TOMM70: variants seen among roughly 807,000 people sequenced by gnomAD.
TOMM70 encodes the protein translocase of outer mitochondrial membrane 70.
In TOMM70, 13 loss-of-function variants were observed where a neutral mutation model predicts 73.6. The observed-to-expected ratio is 0.18, with a 90% CI of 0.11 to 0.28. The LOEUF (loss-of-function observed/expected upper bound fraction) is 0.28. TOMM70 is among the 10% of genes least tolerant of loss of function. The pLI is 1.00. For missense variants in TOMM70, 609 were observed against 747.5 expected (o/e 0.81, Z 2.16); for synonymous variants, 257 against 271.2 (o/e 0.95, Z 0.51).
Position 100,364,588 on chromosome 3 carries a change from T to TATA in TOMM70, c.*975_*976insTAT, listed in dbSNP as rs16337. 29,033 of 152,074 alleles carry TATA rather than the reference T, an allele frequency of 0.19. 3,039 individuals carry two copies. The highest frequency in any genetic ancestry group is 0.24 in the Non-Finnish European group (16,518 of 67,944). 9.4% of individuals were successfully genotyped at this position (152,074 alleles called of 1,614,324 possible). ...TTTAAAGGATGGGGTCTTGCTATAT[T>TATA]GCCCAGGCTGGAGTGCAGTGGCTAT... On this transcript the variant is annotated 3_prime_UTR_variant, in exon 12 of 12. Coordinates refer to ENST00000284320, the MANE Select transcript of TOMM70 (RefSeq NM_014820.5).
Position 100,400,897 on chromosome 3 carries a change from C to A in TOMM70, c.53G>T (p.Ser18Ile). 6.5e-7 allele frequency: 1 copy of A among 1,528,026 alleles called. No individual in the cohort carries two copies. The highest frequency in any genetic ancestry group is 2.0e-5 in the Admixed American group (1 of 50,584). The allele number at this position is 1,528,026 out of a possible 1,614,324, so 94.7% of individuals were successfully genotyped here. A position where few individuals can be genotyped will look rare whatever the true frequency, so the allele number is the denominator to read the frequency against. The change falls in exon 1 of 12, where the codon AGC (serine) becomes ATC (isoleucine). Residue 18 changes from serine (S) to isoleucine (I), a missense_variant. By Grantham distance (142) the Ser-to-Ile change is moderately radical. This residue lies in a region of TOMM70 where 177 missense variants were observed against 163.5 expected (regional missense o/e 1.08). Transcript: ENST00000284320. ...GCCGCCGCCCACCCCACTCCCGGAG[C>A]TCGGTACAGCGGCTGCGACCACCGC... Reference protein sequence around the residue: ...EAAVVAAAVPSSGSGVGGGGT... With the variant: ...EAAVVAAAVPISGSGVGGGGT...
intron 10 of TOMM70, 52 bp from the exon 11 acceptor site, chr3:100,368,218 A>G: frequency 6.4e-7 from 1 of 1,570,098 alleles, no homozygotes; most frequent in Non-Finnish European, 8.6e-7. Context: ...ATCAGTAGGA[A>G]TACACACACA....
chr3:100,389,234 GTAAC>G (rs1706731764), intron 1 of TOMM70, among the ~76,000 whole-genome samples: 1 of 152,200 alleles, frequency 6.6e-6, no homozygotes, highest in Non-Finnish European at 1.5e-5. Flanking sequence ...AGATTATTTT[GTAAC>G]TAAAGTCTTA....
chr3:100,394,285 A>AT (rs1706795518), intron 1 of TOMM70, among the ~76,000 whole-genome samples: 1 of 152,228 alleles, frequency 6.6e-6, no homozygotes, highest in African/African-American at 2.4e-5. Flanking sequence ...TCACAGCTTT[A>AT]TAGAAGTAGC....
intron 4 of TOMM70, 113 bp from the exon 5 acceptor site, chr3:100,381,876 A>G: frequency 9.0e-7 from 1 of 1,110,356 alleles, no homozygotes; most frequent in Non-Finnish European, 1.2e-6. Context: ...TCATTTTCAA[A>G]TAACTAAAAT....
intron 5 of TOMM70, 40 bp downstream of exon 5, chr3:100,381,575 C>T: frequency 6.3e-7 from 1 of 1,582,522 alleles, no homozygotes; most frequent in Non-Finnish European, 8.6e-7. Flanking sequence ...TCAAAGCACC[C>T]AAAACACCAC....
At position 100,400,725 on chromosome 3, in the gene TOMM70, G is replaced by A. The variant is rs769278608; in HGVS notation, c.225C>T (p.Ser75=). 1.9e-6 allele frequency: 3 copies of A among 1,607,506 alleles called. No homozygotes were observed. Among genetic ancestry groups the A allele is most frequent in the Non-Finnish European group, 1.7e-6 (2 of 1,178,546 alleles). The change falls in exon 1 of 12, where the codon AGC becomes AGT. Residue 75 remains serine, a synonymous_variant. Transcript: ENST00000284320. ...TCCGTTCGCTGTTGCGCTTCAGGCCGCTGGCGTCGCCCCGGCCTCTGGCCT... is the reference window on the plus strand; with the variant it reads ...TCCGTTCGCTGTTGCGCTTCAGGCCACTGGCGTCGCCCCGGCCTCTGGCCT... ...RREARGRGDA[S]GLKRNSERKT...
Position 100,381,590 on chromosome 3 carries a change from T to G in TOMM70, c.884+25A>C, listed in dbSNP as rs376595717. Reference sequence around the variant, plus strand: ...TCAAAGCACCCAAAACACCACTAAGTAGACACTATGCTTGACATACTTACT... The same window carrying G: ...TCAAAGCACCCAAAACACCACTAAGGAGACACTATGCTTGACATACTTACT... On this transcript the variant is annotated intron_variant, in intron 5 of 11. Coordinates refer to ENST00000284320, the MANE Select transcript of TOMM70 (RefSeq NM_014820.5). 3.7e-6 allele frequency: 6 copies of G among 1,605,762 alleles called. No individual in the cohort carries two copies. In the African/African-American group the frequency reaches 6.7e-5, roughly 18 times the overall value.
At chr3:100,392,260 C>G (rs1375058880) in intron 1 of TOMM70, among the ~76,000 whole-genome samples, 1 of 152,070 alleles carries the variant, frequency 6.6e-6, no homozygotes, top group Non-Finnish European at 1.5e-5. Flanking sequence ...TTTGAGCCAA[C>G]AAGCAGAAAA....
In TOMM70 at chr3:100,386,723, GTTTA is replaced by G. The variant is rs369230392; in HGVS notation, c.498+78_498+81del. On this transcript the variant is annotated intron_variant, in intron 2 of 11. Transcript: ENST00000284320. ...GAAACAACTTCAAAAAATGTATTAGGTTTATTTGAGTAGCTTTAACTGAAACTTT... is the reference window on the plus strand; with the variant it reads ...GAAACAACTTCAAAAAATGTATTAGGTTTGAGTAGCTTTAACTGAAACTTT... The G allele has an allele frequency of 4.4e-4, 647 of 1,471,500 alleles. 11 individuals carry two copies. The South Asian group carries it at 7.9e-3, about 18-fold the overall frequency. 91.2% of individuals were successfully genotyped at this position (1,471,500 alleles called of 1,614,324 possible).
intron 1 of TOMM70, among the ~76,000 whole-genome samples, chr3:100,397,845 C>T (rs896833899): frequency 5.9e-5 from 9 of 151,346 alleles, no homozygotes; most frequent in Admixed American, 2.6e-4. Context: ...GCCGAGACCT[C>T]GCCATTGCAC....
At chr3:100,393,334 G>A (rs1445986043) in intron 1 of TOMM70, among the ~76,000 whole-genome samples, 1 of 152,158 alleles carries the variant, frequency 6.6e-6, no homozygotes, top group African/African-American at 2.4e-5. Flanking sequence ...CCTAAGTGAA[G>A]TAACTCAGAA....
chr3:100,393,069 G>A (rs905537531), intron 1 of TOMM70, among the ~76,000 whole-genome samples: 2 of 151,874 alleles, frequency 1.3e-5, no homozygotes, highest in South Asian at 2.1e-4. Flanking sequence ...CCAGCTAGTC[G>A]GGAGGCTGAG....
Position 100,369,040 on chromosome 3 carries a change from T to A in TOMM70, c.1548A>T (p.Lys516Asn), listed in dbSNP as rs1283949103. 1 of 1,595,796 alleles carries A rather than the reference T, an allele frequency of 6.3e-7. No individual in the cohort carries two copies. Among genetic ancestry groups the A allele is most frequent in the East Asian group, 2.2e-5 (1 of 44,724 alleles). ...GGAACAATCACAAAAATACATACCCTTTATGAACATATGTTGTAGCATTAT... is the reference window on the plus strand; with the variant it reads ...GGAACAATCACAAAAATACATACCCATTATGAACATATGTTGTAGCATTAT... ...EPDNATTYVH[K>N]GLLQLQWKQD... Residue 516 changes from lysine to asparagine, a missense_variant and splice_region_variant, in exon 10 of 12, where the codon AAA becomes AAT. Lys to Asn is a moderately conservative substitution (Grantham distance 94). Transcript: ENST00000284320.
intron 6 of TOMM70, among the ~76,000 whole-genome samples, chr3:100,376,238 C>G (rs1706562633): frequency 6.6e-6 from 1 of 151,970 alleles, no homozygotes; most frequent in East Asian, 1.9e-4. Flanking sequence ...CTTAGGTTGT[C>G]TTTTTATTGT....
intron 1 of TOMM70, among the ~76,000 whole-genome samples, chr3:100,394,294 G>A (rs1706795604): frequency 6.6e-6 from 1 of 151,540 alleles, no homozygotes; most frequent in Admixed American, 6.6e-5. Context: ...TATAGAAGTA[G>A]CAAATAACTC....
At position 100,401,088 on chromosome 3, in the gene TOMM70, A is replaced by T; in HGVS notation, c.-139T>A. The T allele has an allele frequency of 1.1e-6, 1 of 927,200 alleles. No individual in the cohort carries two copies. Among genetic ancestry groups the T allele is most frequent in the Non-Finnish European group, 1.6e-6 (1 of 620,268 alleles). 57.4% of individuals were successfully genotyped at this position (927,200 alleles called of 1,614,324 possible). A position where few individuals can be genotyped will look rare whatever the true frequency, so the allele number is the denominator to read the frequency against. On this transcript the variant is annotated 5_prime_UTR_variant, in exon 1 of 12. Transcript: ENST00000284320. ...AGGCAGAGAGAGCGGACGACAGAAAAGGGCCAGAGGTCACCGGAAGCCCAG... is the reference window on the plus strand; with the variant it reads ...AGGCAGAGAGAGCGGACGACAGAAATGGGCCAGAGGTCACCGGAAGCCCAG...
chr3:100,377,709 A>T lies in TOMM70; in HGVS notation c.1088T>A (p.Val363Glu), dbSNP rs755923375. The stretch of plus-strand genomic sequence containing the variant: ...CACACACATTTTTTAATGTACCTTC[A>T]CATTAGCTTCTTTCAAACTGATGAC... ...DKVISLKEANVKLRANALIKR... is the reference protein window; with the variant it reads ...DKVISLKEANEKLRANALIKR... The change falls in exon 6 of 12, where the codon GTG (valine) becomes GAG (glutamate). Residue 363 changes from valine to glutamate, a missense_variant. Transcript: ENST00000284320. The T allele has an allele frequency of 6.2e-7, 1 of 1,607,226 alleles. No individual in the cohort carries two copies. Among genetic ancestry groups the T allele is most frequent in the East Asian group, 2.2e-5 (1 of 44,676 alleles).
intron 1 of TOMM70, among the ~76,000 whole-genome samples, chr3:100,394,768 G>T (rs748708893): frequency 2.6e-5 from 4 of 152,094 alleles, no homozygotes; most frequent in Non-Finnish European, 5.9e-5. Context: ...TTCCCAAAGC[G>T]CTGGGATTAC....
Sources: gnomAD v4.1 joint callset for allele counts (sites outside exome capture counted in the v4.1 genomes callset) on GRCh38, gnomAD v4.1.1 for gene constraint, gnomAD v4.1.1 regional missense constraint, MANE v1.5 for transcripts, NCBI Gene and HGNC (gene_info 2026-07-23, HGNC 2026-07-21) for gene names.